The following CSGALNACT1 variants were observed in gnomAD, a reference collection of about 807,000 sequenced individuals.
The protein encoded by CSGALNACT1 is beta4GalNAcT-1.
CSGALNACT1 carries 52 observed loss-of-function variants against 51.0 expected under a neutral mutation model. The observed-to-expected ratio is 1.02, with a 90% CI of 0.82 to 1.29. The LOEUF (loss-of-function observed/expected upper bound fraction) is 1.29, where lower values mean the gene tolerates loss of function less well. Ranked by LOEUF, CSGALNACT1 falls within the 50% of genes most tolerant of loss-of-function variation. The pLI is 0.00. For synonymous variants in CSGALNACT1, 341 were observed against 254.4 expected (o/e 1.34, Z -3.24); for missense variants, 935 against 679.2 (o/e 1.38, Z -4.19).
In CSGALNACT1 at chr8:19,494,860, T is replaced by A. The variant is rs572101426; in HGVS notation, c.634+10341A>T. Among the ~76,000 whole-genome samples the A allele has an allele frequency of 1.6e-3, 192 of 119,344 alleles. 1 individual carries two copies. Among genetic ancestry groups the A allele is most frequent in the African/African-American group, 6.0e-3 (185 of 30,946 alleles). 78.3% of individuals were successfully genotyped at this position (119,344 alleles called of 152,430 possible). ...AAGTCCATTTCTTCCCTCCACCCTA[T>A]GTTCACAGTAAAAACAGAAAATGGG... On this transcript the variant is annotated intron_variant, in intron 4 of 9. Transcript: ENST00000454498.
chr8:19,553,594 T>C (rs981167742), intron 3 of CSGALNACT1, among the ~76,000 whole-genome samples: 3 of 140,742 alleles, frequency 2.1e-5, no homozygotes, highest in Non-Finnish European at 3.0e-5. Flanking sequence ...TATATATATA[T>C]AAAAATACAT....
chr8:19,463,342 C>T (rs1260433352), intron 4 of CSGALNACT1, among the ~76,000 whole-genome samples: 2 of 152,168 alleles, frequency 1.3e-5, no homozygotes, highest in African/African-American at 4.8e-5. Context: ...CCATACCCAG[C>T]CATCCACCCA....
At chr8:19,430,021 T>C (rs750203706) in intron 6 of CSGALNACT1, among the ~76,000 whole-genome samples, 33 of 152,244 alleles carry the variant, frequency 2.2e-4, no homozygotes, top group Non-Finnish European at 4.3e-4. Context: ...TGTATCATCT[T>C]TGGAGAAATG....
intron 1 of CSGALNACT1, among the ~76,000 whole-genome samples, chr8:19,693,563 C>A (rs2061438034): frequency 6.6e-6 from 1 of 152,150 alleles, no homozygotes; most frequent in Non-Finnish European, 1.5e-5. Context: ...CTTGATCACG[C>A]CTTACCTGCT....
chr8:19,517,562 G>A lies in CSGALNACT1; in HGVS notation c.-296-11432C>T, dbSNP rs374227641. ...TCATACTGCTGATAAAGACGTGCCC[G>A]AGAGTGGGTCATTTATAAAGAAAAA... On this transcript the variant is annotated intron_variant, in intron 3 of 9. Transcript: ENST00000454498. 1.2e-4 allele frequency among the ~76,000 whole-genome samples: 18 copies of A among 152,298 alleles called. No homozygotes were observed. The East Asian group carries it at 1.5e-3, about 13-fold the overall frequency.
intron 3 of CSGALNACT1, among the ~76,000 whole-genome samples, chr8:19,557,872 G>A (rs1342060368): frequency 6.6e-6 from 1 of 152,188 alleles, no homozygotes; most frequent in Non-Finnish European, 1.5e-5. Flanking sequence ...ACATACAACA[G>A]TATCTCACAC....
chr8:19,660,100 G>A (rs1222373990), intron 1 of CSGALNACT1, among the ~76,000 whole-genome samples: 2 of 152,204 alleles, frequency 1.3e-5, no homozygotes, highest in African/African-American at 2.4e-5. Context: ...AGGATGTGGC[G>A]AAGCCATGAC....
chr8:19,583,079 T>A (rs1456113282), intron 3 of CSGALNACT1, among the ~76,000 whole-genome samples: 1 of 152,268 alleles, frequency 6.6e-6, no homozygotes, highest in Non-Finnish European at 1.5e-5. Flanking sequence ...TTTAAACACA[T>A]GCAATTTTTA....
At chr8:19,408,541 C>T in intron 9 of CSGALNACT1, 72 bp downstream of exon 8, 2 of 1,052,860 alleles carry the variant, frequency 1.9e-6, no homozygotes, top group Non-Finnish European at 2.9e-6. Context: ...CTTGGAAACC[C>T]TACTTGATTC....
chr8:19,459,382 C>CAAAAAAA (rs377411028), intron 4 of CSGALNACT1, among the ~76,000 whole-genome samples: 1 of 69,190 alleles, frequency 1.4e-5, no homozygotes, highest in African/African-American at 5.8e-5. Flanking sequence ...AACTTTATCT[C>CAAAAAAA]AAAAAAAAAA....
chr8:19,528,820 G>A (rs895406904), intron 3 of CSGALNACT1, among the ~76,000 whole-genome samples: 2 of 152,106 alleles, frequency 1.3e-5, no homozygotes, highest in African/African-American at 4.8e-5. Flanking sequence ...GGAACTGACA[G>A]AACTCAGATG....
At chr8:19,708,699 C>T (rs2062325986) in intron 1 of CSGALNACT1, among the ~76,000 whole-genome samples, 1 of 152,234 alleles carries the variant, frequency 6.6e-6, no homozygotes. Flanking sequence ...CTCATTACTG[C>T]TCCATCCTCT....
chr8:19,518,358 T>C (rs1302133724), intron 3 of CSGALNACT1, among the ~76,000 whole-genome samples: 2 of 152,140 alleles, frequency 1.3e-5, no homozygotes, highest in Non-Finnish European at 2.9e-5. Flanking sequence ...GGCAGCTCCA[T>C]CTTCCCTTCT....
At chr8:19,549,276 A>G (rs956216754) in intron 3 of CSGALNACT1, among the ~76,000 whole-genome samples, 1 of 152,176 alleles carries the variant, frequency 6.6e-6, no homozygotes, top group Admixed American at 6.5e-5. Flanking sequence ...TACTATTTAT[A>G]TAACAGTATT....
intron 1 of CSGALNACT1, among the ~76,000 whole-genome samples, chr8:19,643,819 C>T (rs893589314): frequency 6.6e-6 from 1 of 152,170 alleles, no homozygotes; most frequent in Non-Finnish European, 1.5e-5. Context: ...TCCAGGCTTC[C>T]ATCTGCTGCT....
At chr8:19,523,410 G>A (rs1259898271) in intron 3 of CSGALNACT1, among the ~76,000 whole-genome samples, 1 of 152,088 alleles carries the variant, frequency 6.6e-6, no homozygotes, top group Admixed American at 6.6e-5. Flanking sequence ...GACTACAGAT[G>A]CATGACATGA....
chr8:19,477,726 C>T (rs1393818831), intron 4 of CSGALNACT1, among the ~76,000 whole-genome samples: 4 of 152,182 alleles, frequency 2.6e-5, no homozygotes, highest in Non-Finnish European at 5.9e-5. Flanking sequence ...TATGTCTTCA[C>T]TTCTAAAATA....
At chr8:19,463,805 T>C (rs907683549) in intron 4 of CSGALNACT1, among the ~76,000 whole-genome samples, 1 of 152,192 alleles carries the variant, frequency 6.6e-6, no homozygotes, top group Admixed American at 6.5e-5. Flanking sequence ...TGTGCAAGTA[T>C]CCCAATGCCG....
At chr8:19,561,549 T>A (rs2040722208) in intron 3 of CSGALNACT1, among the ~76,000 whole-genome samples, 1 of 152,178 alleles carries the variant, frequency 6.6e-6, no homozygotes. Flanking sequence ...AATCTAACTG[T>A]GGCTTATACC....
Sources: allele counts gnomAD v4.1 joint callset (sites outside exome capture counted in the v4.1 genomes callset), GRCh38; gene constraint gnomAD v4.1.1; transcripts MANE v1.5; gene names NCBI Gene and HGNC (gene_info 2026-07-23, HGNC 2026-07-21).